ANO3: variants seen among roughly 807,000 people sequenced by gnomAD.
ANO3 encodes the protein anoctamin-3.
ANO3 carries 99 observed loss-of-function variants against 144.8 expected under a neutral mutation model. That is an observed-to-expected ratio of 0.68 (90% CI 0.58 to 0.81). The LOEUF (loss-of-function observed/expected upper bound fraction) is 0.81, where lower values mean the gene tolerates loss of function less well. Among genes scored for constraint, ANO3 ranks in the 30% least tolerant of loss-of-function variants. ANO3 has a pLI of 0.00. For missense variants in ANO3, 905 were observed against 1,202.2 expected, an observed-to-expected ratio of 0.75 and a Z score of 3.66; for synonymous variants, 414 against 392.6, an observed-to-expected ratio of 1.05 and a Z score of -0.64.
chr11:26,647,865 T>G lies in ANO3; in HGVS notation c.2576+9T>G. The G allele has an allele frequency of 1.9e-6, 3 of 1,602,524 alleles. No homozygotes were observed. The highest frequency in any genetic ancestry group is 2.6e-6 in the Non-Finnish European group (3 of 1,173,530). ...GTAGAACCAAGTGAAAAGTAAGGTT[T>G]AAATTTAAACATTTTCCTGATATGT... On this transcript the variant is annotated intron_variant, in intron 24 of 26. Coordinates refer to ENST00000256737, the MANE Select transcript of ANO3 (RefSeq NM_031418.4).
intron 1 of ANO3, among the ~76,000 whole-genome samples, chr11:26,197,075 GTAA>G (rs1851603045): frequency 6.6e-6 from 1 of 152,116 alleles, no homozygotes; most frequent in African/African-American, 2.4e-5. Flanking sequence ...GCCTAAACTG[GTAA>G]TAATATTATT....
At chr11:26,204,130 C>CTGA (rs1324738898) in intron 1 of ANO3, among the ~76,000 whole-genome samples, 1 of 151,902 alleles carries the variant, frequency 6.6e-6, no homozygotes, top group East Asian at 1.9e-4. Context: ...TGATCAAAAC[C>CTGA]TCTACACCCC....
At chr11:26,446,651 A>G (rs1422885116) in intron 3 of ANO3, among the ~76,000 whole-genome samples, 1 of 152,190 alleles carries the variant, frequency 6.6e-6, no homozygotes, top group Admixed American at 6.5e-5. Flanking sequence ...TTATTCTTAC[A>G]TCCACTAGCT....
intron 1 of ANO3, among the ~76,000 whole-genome samples, chr11:26,191,725 T>C (rs1045964809): frequency 2.0e-5 from 3 of 152,336 alleles, no homozygotes; most frequent in Middle Eastern, 3.4e-3. Context: ...TCTTCAATAA[T>C]TATTTTCCTC....
At chr11:26,396,630 A>C (rs965902938) in intron 1 of ANO3, among the ~76,000 whole-genome samples, 2 of 152,006 alleles carry the variant, frequency 1.3e-5, no homozygotes, top group Admixed American at 6.6e-5. Flanking sequence ...AGATGAGTTC[A>C]TGTCCTTTGC....
intron 1 of ANO3, among the ~76,000 whole-genome samples, chr11:26,430,330 G>T (rs1453271910): frequency 1.3e-5 from 2 of 151,492 alleles, no homozygotes; most frequent in Admixed American, 6.6e-5. Flanking sequence ...ATGTGTTTGT[G>T]TGTATACATA....
At chr11:26,324,655 C>A (rs1336430929) in intron 1 of ANO3, among the ~76,000 whole-genome samples, 1 of 152,156 alleles carries the variant, frequency 6.6e-6, no homozygotes, top group Non-Finnish European at 1.5e-5. Flanking sequence ...ATAGTGAACA[C>A]TTTATTTTAA....
chr11:26,477,652 T>G (rs1391172022), intron 4 of ANO3, among the ~76,000 whole-genome samples: 2 of 152,276 alleles, frequency 1.3e-5, no homozygotes, highest in South Asian at 2.1e-4. Context: ...ACCTTTGCAT[T>G]GTGCATAGAG....
chr11:26,530,788 G>C (rs1351965046), intron 7 of ANO3, among the ~76,000 whole-genome samples: 1 of 152,104 alleles, frequency 6.6e-6, no homozygotes, highest in African/African-American at 2.4e-5. Flanking sequence ...AGAATCGCTT[G>C]AACCTGGGAC....
intron 4 of ANO3, among the ~76,000 whole-genome samples, chr11:26,506,356 G>C (rs1000504259): frequency 6.6e-6 from 1 of 152,112 alleles, no homozygotes; most frequent in Non-Finnish European, 1.5e-5. Context: ...ATATCTGTAT[G>C]TCACTTAACC....
intron 7 of ANO3, among the ~76,000 whole-genome samples, chr11:26,528,308 A>C (rs1188354864): frequency 6.6e-6 from 1 of 152,166 alleles, no homozygotes; most frequent in Non-Finnish European, 1.5e-5. Flanking sequence ...GAAATTAATA[A>C]GCTAGATCCT....
chr11:26,367,948 A>G (rs1187398487), intron 1 of ANO3, among the ~76,000 whole-genome samples: 1 of 152,152 alleles, frequency 6.6e-6, no homozygotes, highest in Non-Finnish European at 1.5e-5. Context: ...ATAGTGCTAA[A>G]CCATTCATGA....
chr11:26,357,833 ATAAC>A (rs1384487818), intron 1 of ANO3, among the ~76,000 whole-genome samples: 19 of 152,122 alleles, frequency 1.2e-4, no homozygotes, highest in African/African-American at 4.6e-4. Flanking sequence ...TATTGCATTC[ATAAC>A]TGTTATTCAT....
At chr11:26,466,654 C>T (rs565938972) in intron 4 of ANO3, among the ~76,000 whole-genome samples, 97 of 151,974 alleles carry the variant, frequency 6.4e-4, no homozygotes, top group African/African-American at 2.2e-3. Flanking sequence ...TGAGAGAATC[C>T]AACAGCAAAG....
At chr11:26,295,223 A>AT (rs1450257389) in intron 1 of ANO3, among the ~76,000 whole-genome samples, 4 of 152,104 alleles carry the variant, frequency 2.6e-5, no homozygotes, top group Middle Eastern at 3.4e-3. Flanking sequence ...CAGTTGAGTC[A>AT]TTTTCTAACA....
In ANO3 at chr11:26,553,356, A is replaced by T; in HGVS notation, c.1386+11A>T. ...TGTATCTATGCCAAGGTGAGTGTGGACCCTCACATTCTCCTCCCTGAGCTG... is the reference window on the plus strand; with the variant it reads ...TGTATCTATGCCAAGGTGAGTGTGGTCCCTCACATTCTCCTCCCTGAGCTG... On this transcript the variant is annotated intron_variant, in intron 13 of 26. Coordinates refer to ENST00000256737, the MANE Select transcript of ANO3 (RefSeq NM_031418.4). 6.3e-7 allele frequency: 1 copy of T among 1,579,996 alleles called. No individual in the cohort carries two copies. The highest frequency in any genetic ancestry group is 1.1e-5 in the South Asian group (1 of 88,158).
At chr11:26,447,972 C>T (rs1858764213) in intron 3 of ANO3, among the ~76,000 whole-genome samples, 2 of 152,112 alleles carry the variant, frequency 1.3e-5, no homozygotes, top group Non-Finnish European at 2.9e-5. Context: ...TCTTCCCATG[C>T]CCATGTGGCT....
chr11:26,451,230 G>A (rs1304432856), intron 3 of ANO3, among the ~76,000 whole-genome samples: 1 of 152,178 alleles, frequency 6.6e-6, no homozygotes, highest in East Asian at 1.9e-4. Flanking sequence ...CCAGACAGTG[G>A]GCGCAGGTCA....
chr11:26,306,882 A>AT (rs71311919), upstream of ANO3, among the ~76,000 whole-genome samples: 67,580 of 147,178 alleles, frequency 0.46, 15,655 homozygotes, highest in African/African-American at 0.57. Context: ...CAACTGGGTA[A>AT]TTTGAGGTTT....
Sources: gnomAD v4.1 joint callset for allele counts (sites outside exome capture counted in the v4.1 genomes callset) on GRCh38, gnomAD v4.1.1 for gene constraint, MANE v1.5 for transcripts, NCBI Gene and HGNC (gene_info 2026-07-23, HGNC 2026-07-21) for gene names.